Variants in UNC5A observed in about 807,000 individuals in gnomAD.
UNC5A encodes the protein unc-5 netrin receptor A, also known as netrin receptor UNC5A.
In UNC5A, 20 loss-of-function variants were observed where a neutral mutation model predicts 87.4. The ratio of observed to expected loss-of-function variants is 0.23; its 90% CI spans 0.16 to 0.33. UNC5A has a LOEUF of 0.33. Ranked by LOEUF, UNC5A falls within the 10% of genes least tolerant of loss-of-function variation. The pLI is 1.00. For synonymous variants in UNC5A, 438 were observed against 482.3 expected (o/e 0.91, Z 1.20); for missense variants, 844 against 1,133.4 (o/e 0.74, Z 3.67).
chr5:176,868,104 T>G (rs1758018346), intron 2 of UNC5A, 26 bp from the exon 3 acceptor site: 1 of 1,605,330 alleles, frequency 6.2e-7, no homozygotes, highest in East Asian at 2.2e-5. Flanking sequence ...CCTGGGGCTC[T>G]GACTACCTGC....
At chr5:176,879,670 G>T in intron 14 of UNC5A, 51 bp from the exon 15 acceptor site, 1 of 1,598,852 alleles carries the variant, frequency 6.3e-7, no homozygotes. Context: ...GGGGCAGGAG[G>T]TGTCGGCTGG....
At position 176,875,473 on chromosome 5, in the gene UNC5A, C is replaced by T. The variant is rs997833358; in HGVS notation, c.1378+907C>T. 3.3e-5 allele frequency among the ~76,000 whole-genome samples: 5 copies of T among 152,120 alleles called. No individual in the cohort carries two copies. Among genetic ancestry groups the T allele is most frequent in the Non-Finnish European group, 5.9e-5 (4 of 68,026 alleles). ...CTGCTGCTCGTCCTCTCTTGCCCCCCGCCAGCTTCAGTCCCACGCCAGTCC... is the reference window on the plus strand; with the variant it reads ...CTGCTGCTCGTCCTCTCTTGCCCCCTGCCAGCTTCAGTCCCACGCCAGTCC... On this transcript the variant is annotated intron_variant, in intron 8 of 14. Transcript: ENST00000329542. This position sits in a 1 kb window ranked among gnomAD's most constrained non-coding sequence, Gnocchi z 5.2.
intron 1 of UNC5A, among the ~76,000 whole-genome samples, chr5:176,836,559 T>C (rs972499847): frequency 6.6e-6 from 1 of 151,658 alleles, no homozygotes; most frequent in Non-Finnish European, 1.5e-5. Context: ...AGAGTTGCGA[T>C]GAGAAGGGAG....
At chr5:176,871,960 A>C in intron 6 of UNC5A, among the ~76,000 whole-genome samples, 1 of 14,270 alleles carries the variant, frequency 7.0e-5, no homozygotes, top group African/African-American at 2.2e-4. Flanking sequence ...ACAGCTTCCC[A>C]TCTGCCCACA....
At chr5:176,820,337 C>T (rs2113586938) in intron 1 of UNC5A, among the ~76,000 whole-genome samples, 1 of 152,008 alleles carries the variant, frequency 6.6e-6, no homozygotes, top group South Asian at 2.1e-4. Flanking sequence ...GTGGAGCTTG[C>T]AGTGAGCCAA....
intron 8 of UNC5A, among the ~76,000 whole-genome samples, chr5:176,876,489 C>G (rs557486467): frequency 5.3e-4 from 80 of 152,302 alleles, no homozygotes; most frequent in Non-Finnish European, 8.7e-4. Context: ...AGAGGGACTC[C>G]CTGGCCCCCG....
At chr5:176,873,430 C>G (rs1436832764) in intron 6 of UNC5A, among the ~76,000 whole-genome samples, 4 of 152,094 alleles carry the variant, frequency 2.6e-5, no homozygotes. Flanking sequence ...CAAAACCCTT[C>G]TAAAATCAAT....
intron 1 of UNC5A, among the ~76,000 whole-genome samples, chr5:176,832,910 G>T (rs758725750): frequency 2.6e-5 from 4 of 152,216 alleles, no homozygotes; most frequent in African/African-American, 4.8e-5. Flanking sequence ...AGAGGTGGAG[G>T]CAGGGACAGA....
Position 176,869,570 on chromosome 5 carries a change from G to T in UNC5A, c.721+606G>T. On this transcript the variant is annotated intron_variant, in intron 5 of 14. Coordinates refer to ENST00000329542, the MANE Select transcript of UNC5A (RefSeq NM_133369.3). This position sits in a 1 kb window ranked among gnomAD's most constrained non-coding sequence, Gnocchi z 9.1. ...CCGTCCCCTGGGCCAGTGTATCTGAGGACGCCCCCGCTCCCTGACCCCAGT... is the reference window on the plus strand; with the variant it reads ...CCGTCCCCTGGGCCAGTGTATCTGATGACGCCCCCGCTCCCTGACCCCAGT... 1 of 678,544 alleles carries T rather than the reference G, an allele frequency of 1.5e-6. No individual in the cohort carries two copies. Among genetic ancestry groups the T allele is most frequent in the South Asian group, 1.5e-5 (1 of 64,836 alleles). 42.0% of individuals were successfully genotyped at this position (678,544 alleles called of 1,614,324 possible). A position where few individuals can be genotyped will look rare whatever the true frequency, so the allele number is the denominator to read the frequency against.
Position 176,810,720 on chromosome 5 carries a change from G to A in UNC5A, c.-31G>A. Reference sequence around the variant, plus strand: ...CGCCCTCCCGCCCGCGGGGCCCCGCGCCCGGCCCGCCCGCCTGCCCGCCCG... The same window carrying A: ...CGCCCTCCCGCCCGCGGGGCCCCGCACCCGGCCCGCCCGCCTGCCCGCCCG... On this transcript the variant is annotated 5_prime_UTR_variant, in exon 1 of 15. Coordinates refer to ENST00000329542, the MANE Select transcript of UNC5A (RefSeq NM_133369.3). This position sits in a 1 kb window ranked among gnomAD's most constrained non-coding sequence, Gnocchi z 7.3. 2 of 1,014,154 alleles carry A rather than the reference G, an allele frequency of 2.0e-6. No homozygotes were observed. The allele number at this position is 1,014,154 out of a possible 1,614,324, so 62.8% of individuals were successfully genotyped here. A position where few individuals can be genotyped will look rare whatever the true frequency, so the allele number is the denominator to read the frequency against.
chr5:176,864,765 C>A, intron 2 of UNC5A: 1 of 452,858 alleles, frequency 2.2e-6, no homozygotes, highest in Non-Finnish European at 4.4e-6. Flanking sequence ...GGGTTAGGTA[C>A]TAGGAGTTAT....
rs1040690802 is a variant in UNC5A, at chr5:176,866,735, C to T, written c.293-1395C>T. On this transcript the variant is annotated intron_variant, in intron 2 of 14. Coordinates refer to ENST00000329542, the MANE Select transcript of UNC5A (RefSeq NM_133369.3). This position sits in a 1 kb window ranked among gnomAD's most constrained non-coding sequence, Gnocchi z 5.0. The stretch of plus-strand genomic sequence containing the variant: ...GATAGCTGGTGCCCAAGGCCCCTCT[C>T]CTATACAAGGACCCTGTGAGCCACC... Among the ~76,000 whole-genome samples, 2 of 152,206 alleles carry T rather than the reference C, an allele frequency of 1.3e-5. No homozygotes were observed. Among genetic ancestry groups the T allele is most frequent in the Non-Finnish European group, 2.9e-5 (2 of 68,034 alleles).
At chr5:176,863,514 C>G (rs1228656606) in intron 2 of UNC5A, among the ~76,000 whole-genome samples, 1 of 152,070 alleles carries the variant, frequency 6.6e-6, no homozygotes. Flanking sequence ...CCAGACTCAG[C>G]TGGGGGCACA....
At position 176,877,866 on chromosome 5, in the gene UNC5A, G is replaced by T; in HGVS notation, c.1636-28G>T. The T allele has an allele frequency of 1.9e-6, 3 of 1,581,180 alleles. No individual in the cohort carries two copies. The East Asian group carries it at 6.8e-5, about 36-fold the overall frequency. ...GGCCCTAGGGCTCTGAGGCTGGGCC[G>T]AATTGACCCACTGACCCCTGCCCAC... On this transcript the variant is annotated intron_variant, in intron 10 of 14. Coordinates refer to ENST00000329542, the MANE Select transcript of UNC5A (RefSeq NM_133369.3).
rs940950792 is a variant in UNC5A at position 176,862,844 on chromosome 5, T to G, written c.291T>G (p.Ser97Arg). Residue 97 changes from serine (S) to arginine (R), a missense_variant and splice_region_variant, in exon 2 of 15, where the codon AGT (serine) becomes AGG (arginine). Ser to Arg is a moderately radical substitution (Grantham distance 110, BLOSUM62 -1). Around this residue, in one of 3 missense-constraint regions of UNC5A, gnomAD observed 314 missense variants for 466.5 expected, o/e 0.67. Transcript: ENST00000329542. ...HVIERSTDGS[S>R]GLPTMEVRIN... is the part of the protein sequence containing the mutation. Reference sequence around the variant, plus strand: ...TCGAGCGCAGCACAGACGGGAGCAGTGGTGAGCCGCATGGGGCGCCAGGCA... The same window carrying G: ...TCGAGCGCAGCACAGACGGGAGCAGGGGTGAGCCGCATGGGGCGCCAGGCA... 5.6e-6 allele frequency: 9 copies of G among 1,612,406 alleles called. No homozygotes were observed. The Admixed American group carries it at 1.3e-4, about 24-fold the overall frequency.
intron 1 of UNC5A, among the ~76,000 whole-genome samples, chr5:176,815,300 A>G (rs977210647): frequency 4.6e-5 from 7 of 152,178 alleles, no homozygotes; most frequent in Admixed American, 1.3e-4. Context: ...GCTTCCTGCA[A>G]TCAGTTCCAC....
chr5:176,835,659 G>A (rs1757134311), intron 1 of UNC5A, among the ~76,000 whole-genome samples: 1 of 152,038 alleles, frequency 6.6e-6, no homozygotes, highest in African/African-American at 2.4e-5. Context: ...GCGTGGGTGT[G>A]AACTCTTGTG....
intron 1 of UNC5A, among the ~76,000 whole-genome samples, chr5:176,818,815 C>T (rs1177976478): frequency 1.3e-5 from 2 of 152,302 alleles, no homozygotes; most frequent in Admixed American, 6.5e-5. Flanking sequence ...ATTCCCCATC[C>T]CCATGCTGCC....
At chr5:176,850,469 G>A (rs1442440296) in intron 1 of UNC5A, among the ~76,000 whole-genome samples, 2 of 151,930 alleles carry the variant, frequency 1.3e-5, no homozygotes, top group African/African-American at 4.8e-5. Flanking sequence ...CACGAGGGAG[G>A]AAAGGAGGGA....
Sources: gnomAD v4.1 joint callset for allele counts (sites outside exome capture counted in the v4.1 genomes callset) on GRCh38, gnomAD v4.1.1 for gene constraint, gnomAD v4.1.1 regional missense constraint, Gnocchi (gnomAD v3.1) non-coding constraint, MANE v1.5 for transcripts, NCBI Gene and HGNC (gene_info 2026-07-23, HGNC 2026-07-21) for gene names.